Variants in DGKI observed in about 807,000 individuals in gnomAD.
DGKI encodes DAG kinase iota.
DGKI carries 55 observed loss-of-function variants against 147.5 expected under a neutral mutation model. That is an observed-to-expected ratio of 0.37 (90% CI 0.30 to 0.47). The LOEUF is 0.47. Ranked by LOEUF, DGKI falls within the 20% of genes least tolerant of loss-of-function variation. The pLI is 1.00. For missense variants in DGKI, 1,007 were observed against 1,323.8 expected (o/e 0.76, Z 3.71); for synonymous variants, 469 against 477.1 (o/e 0.98, Z 0.22).
chr7:137,463,389 A>G (rs1814525161), intron 27 of DGKI, 100 bp downstream of exon 27: 1 of 1,512,512 alleles, frequency 6.6e-7, no homozygotes, highest in South Asian at 1.3e-5. Context: ...CCTGAGCGCC[A>G]TTGAAAAGAG....
intron 2 of DGKI, among the ~76,000 whole-genome samples, chr7:137,682,768 T>TC (rs772283553): frequency 6.6e-6 from 1 of 152,172 alleles, no homozygotes; most frequent in Non-Finnish European, 1.5e-5. Flanking sequence ...TTCCATTAAA[T>TC]CCTCCCACAT....
chr7:137,819,724 C>T (rs1391387188), intron 1 of DGKI, among the ~76,000 whole-genome samples: 2 of 152,196 alleles, frequency 1.3e-5, no homozygotes, highest in Non-Finnish European at 2.9e-5. Context: ...AGGTGAGATC[C>T]AAACTCATTG....
At position 137,787,716 on chromosome 7, in the gene DGKI, C is replaced by G. The variant is rs539717228; in HGVS notation, c.401+58746G>C. ...AAAATATGGAACCAGCCCAAATGCC[C>G]ATCAATCAATGAGTGGATAAAGAAA... is the stretch of plus-strand genomic sequence containing the variant. On this transcript the variant is annotated intron_variant, in intron 1 of 32. Coordinates refer to ENST00000614521, the MANE Select transcript of DGKI (RefSeq NM_001321708.2). 3.9e-5 allele frequency among the ~76,000 whole-genome samples: 6 copies of G among 152,264 alleles called. No individual in the cohort carries two copies. The South Asian group carries it at 8.3e-4, about 21-fold the overall frequency.
chr7:137,669,161 C>T (rs561410800), intron 3 of DGKI, among the ~76,000 whole-genome samples: 1 of 152,262 alleles, frequency 6.6e-6, no homozygotes, highest in South Asian at 2.1e-4. Flanking sequence ...CAACACATTA[C>T]CTGCACCCCC....
intron 1 of DGKI, among the ~76,000 whole-genome samples, chr7:137,738,722 GT>G (rs201164580): frequency 0.036 from 1,158 of 31,908 alleles, 11 homozygotes; most frequent in African/African-American, 0.1. Flanking sequence ...AGAAGATGAG[GT>G]TCCCCCCCCC....
intron 1 of DGKI, among the ~76,000 whole-genome samples, chr7:137,730,238 A>T (rs1274678152): frequency 6.6e-6 from 1 of 152,058 alleles, no homozygotes; most frequent in African/African-American, 2.4e-5. Flanking sequence ...CACAACAACC[A>T]GATCACAGTC....
At chr7:137,719,603 T>C (rs1194666073) in intron 1 of DGKI, among the ~76,000 whole-genome samples, 1 of 152,174 alleles carries the variant, frequency 6.6e-6, no homozygotes, top group African/African-American at 2.4e-5. Flanking sequence ...CCAAACTTTA[T>C]TGCTATCAGA....
intron 1 of DGKI, among the ~76,000 whole-genome samples, chr7:137,767,471 G>GGAAGAGAAGAGAAGAGAAGA (rs71177920): frequency 0.039 from 3,529 of 89,584 alleles, 211 homozygotes; most frequent in South Asian, 0.049. Context: ...AGAAGAGAAG[G>GGAAGAGAAGAGAAGAGAAGA]GAAGAGAAGA....
intron 27 of DGKI, among the ~76,000 whole-genome samples, chr7:137,461,069 T>TA (rs1179859032): frequency 6.6e-6 from 1 of 152,232 alleles, no homozygotes; most frequent in African/African-American, 2.4e-5. Context: ...TGTGCATGCA[T>TA]AGTACCCCTA....
At chr7:137,800,960 A>T (rs1177413830) in intron 1 of DGKI, among the ~76,000 whole-genome samples, 1 of 152,232 alleles carries the variant, frequency 6.6e-6, no homozygotes, top group Non-Finnish European at 1.5e-5. Flanking sequence ...AATTTGAAGC[A>T]AAGAATTTCA....
chr7:137,452,539 A>G (rs1814011868), intron 27 of DGKI, among the ~76,000 whole-genome samples: 1 of 152,216 alleles, frequency 6.6e-6, no homozygotes, highest in Non-Finnish European at 1.5e-5. Flanking sequence ...ACGTATGTCC[A>G]CACACTGAAA....
chr7:137,628,015 G>C (rs977169983), intron 6 of DGKI, among the ~76,000 whole-genome samples: 1 of 152,168 alleles, frequency 6.6e-6, no homozygotes, highest in African/African-American at 2.4e-5. Flanking sequence ...TGTATTTAAT[G>C]TGTGTTTATA....
intron 1 of DGKI, among the ~76,000 whole-genome samples, chr7:137,717,772 G>T (rs1394866567): frequency 6.6e-6 from 1 of 152,196 alleles, no homozygotes; most frequent in Non-Finnish European, 1.5e-5. Context: ...TGGAACAAGA[G>T]CATGCTTTAC....
chr7:137,564,830 G>A (rs28695936), intron 19 of DGKI, among the ~76,000 whole-genome samples: 5,166 of 152,224 alleles, frequency 0.034, 149 homozygotes, highest in African/African-American at 0.074. Context: ...GCACAAGGGC[G>A]GTCCCTCGTG....
At chr7:137,406,238 T>C (rs1811942733) in intron 30 of DGKI, among the ~76,000 whole-genome samples, 1 of 152,108 alleles carries the variant, frequency 6.6e-6, no homozygotes, top group Non-Finnish European at 1.5e-5. Flanking sequence ...CATCTAACCC[T>C]CACCTGAGCT....
intron 20 of DGKI, among the ~76,000 whole-genome samples, chr7:137,533,927 A>G (rs1040109492): frequency 9.9e-5 from 15 of 152,124 alleles, no homozygotes; most frequent in African/African-American, 3.6e-4. Flanking sequence ...CTGACACAAA[A>G]TGTGATGTGT....
At chr7:137,565,402 T>A (rs936475135) in intron 19 of DGKI, among the ~76,000 whole-genome samples, 1 of 152,142 alleles carries the variant, frequency 6.6e-6, no homozygotes, top group Admixed American at 6.5e-5. Context: ...ATGTATATTA[T>A]CAAAATAAGC....
At chr7:137,643,657 GCATGATGGCTGGCTGAGAA>G (rs1472806854) in intron 6 of DGKI, among the ~76,000 whole-genome samples, 14 of 152,200 alleles carry the variant, frequency 9.2e-5, no homozygotes, top group Non-Finnish European at 2.9e-5. Context: ...TGTGCTCATG[GCATGATGGCTGGCTGAGAA>G]CACTGGCAGG....
chr7:137,451,543 C>G (rs1433152594), intron 27 of DGKI, among the ~76,000 whole-genome samples: 1 of 152,052 alleles, frequency 6.6e-6, no homozygotes, highest in Non-Finnish European at 1.5e-5. Flanking sequence ...TTTCTACCAG[C>G]AAAAGAGCAA....
Sources: allele counts gnomAD v4.1 joint callset (sites outside exome capture counted in the v4.1 genomes callset), GRCh38; gene constraint gnomAD v4.1.1; transcripts MANE v1.5; gene names NCBI Gene and HGNC (gene_info 2026-07-23, HGNC 2026-07-21).